The following FAM81B variants were observed in gnomAD, a reference collection of about 807,000 sequenced individuals.
FAM81B encodes family with sequence similarity 81 member B, also known as protein FAM81B.
Under a neutral mutation model 58.7 loss-of-function variants are expected in FAM81B, and 60 were observed. The observed-to-expected ratio is 1.02, with a 90% CI of 0.83 to 1.27. FAM81B has a LOEUF of 1.27. FAM81B is among the 50% of genes most tolerant of loss of function. The pLI, the probability that FAM81B is intolerant of heterozygous loss-of-function variation, is 0.00. For synonymous variants in FAM81B, 189 were observed against 179.6 expected, an observed-to-expected ratio of 1.05 and a Z score of -0.42; for missense variants, 491 against 522.0, an observed-to-expected ratio of 0.94 and a Z score of 0.58.
Position 95,450,238 on chromosome 5 carries a change from C to G in FAM81B, c.1315C>G (p.Leu439Val). 1 of 1,613,052 alleles carries G rather than the reference C, an allele frequency of 6.2e-7. No homozygotes were observed. Among genetic ancestry groups the G allele is most frequent in the East Asian group, 2.2e-5 (1 of 44,726 alleles). The change falls in exon 10 of 10, where the codon CTA becomes GTA. Residue 439 changes from leucine to valine, a missense_variant. Physicochemically the swap from Leu to Val is conservative, Grantham distance 32. Coordinates refer to ENST00000283357, the MANE Select transcript of FAM81B (RefSeq NM_152548.3). Reference sequence around the variant, plus strand: ...AGAGAAATATAAAGTACAGAAAGACCTAAAGAAATTACAGCGCAAGATAGT... The same window carrying G: ...AGAGAAATATAAAGTACAGAAAGACGTAAAGAAATTACAGCGCAAGATAGT... The part of the protein sequence containing the change: ...DLEKYKVQKD[L>V]KKLQRKIVEL...
chr5:95,439,413 C>G (rs1745239875), intron 7 of FAM81B, among the ~76,000 whole-genome samples: 1 of 151,648 alleles, frequency 6.6e-6, no homozygotes, highest in Non-Finnish European at 1.5e-5. Flanking sequence ...AAAAAAGCAT[C>G]TGTTTTAATT....
At chr5:95,414,295 C>A in intron 4 of FAM81B, 105 bp downstream of exon 4, 1 of 1,223,264 alleles carries the variant, frequency 8.2e-7, no homozygotes, top group Non-Finnish European at 1.1e-6. Context: ...AGAAATATAT[C>A]ACTATTGCTT....
intron 3 of FAM81B, among the ~76,000 whole-genome samples, chr5:95,408,819 T>C (rs910418955): frequency 2.0e-5 from 3 of 152,188 alleles, no homozygotes; most frequent in Non-Finnish European, 4.4e-5. Flanking sequence ...CTATAACTAT[T>C]TATAAAGTGC....
chr5:95,396,236 C>G, intron 3 of FAM81B, 61 bp downstream of exon 3: 1 of 1,334,188 alleles, frequency 7.5e-7, no homozygotes, highest in Non-Finnish European at 1.0e-6. Context: ...ACAAATCTCA[C>G]ACGCAAAAAA....
chr5:95,431,316 G>A (rs1435749702), intron 6 of FAM81B, among the ~76,000 whole-genome samples: 13 of 151,790 alleles, frequency 8.6e-5, no homozygotes, highest in Admixed American at 1.3e-4. Flanking sequence ...TAAATCCTTC[G>A]TCCATTTGTA....
At chr5:95,411,211 G>A (rs559002237) in intron 3 of FAM81B, among the ~76,000 whole-genome samples, 1 of 152,034 alleles carries the variant, frequency 6.6e-6, no homozygotes, top group Non-Finnish European at 1.5e-5. Context: ...GGATGACCTA[G>A]GACCAGTTAA....
At chr5:95,406,125 C>A (rs1762239114) in intron 3 of FAM81B, 1 of 154,392 alleles carries the variant, frequency 6.5e-6, no homozygotes, top group Non-Finnish European at 1.5e-5. Flanking sequence ...CCACAGCCCT[C>A]CCAAGCTATC....
intron 7 of FAM81B, among the ~76,000 whole-genome samples, chr5:95,441,040 G>A (rs1321176797): frequency 1.3e-5 from 2 of 152,074 alleles, no homozygotes; most frequent in Non-Finnish European, 2.9e-5. Context: ...AAAACGCCAA[G>A]GTAATTCCGT....
chr5:95,415,596 T>C (rs1762519647), intron 4 of FAM81B, among the ~76,000 whole-genome samples: 1 of 152,186 alleles, frequency 6.6e-6, no homozygotes, highest in African/African-American at 2.4e-5. Flanking sequence ...TGAAGTATCA[T>C]GAAAGTGACA....
intron 7 of FAM81B, among the ~76,000 whole-genome samples, chr5:95,439,154 A>G (rs981078479): frequency 6.7e-6 from 1 of 148,724 alleles, no homozygotes; most frequent in African/African-American, 2.5e-5. Flanking sequence ...ACAAGAAACA[A>G]AAAAAGTATT....
intron 7 of FAM81B, among the ~76,000 whole-genome samples, chr5:95,441,176 A>T (rs1213889556): frequency 6.6e-6 from 1 of 152,196 alleles, no homozygotes; most frequent in East Asian, 1.9e-4. Flanking sequence ...GCTAAAACAT[A>T]CAAAGAGCCT....
At chr5:95,408,405 C>A (rs1042024268) in intron 3 of FAM81B, among the ~76,000 whole-genome samples, 12 of 152,152 alleles carry the variant, frequency 7.9e-5, no homozygotes, top group Non-Finnish European at 1.5e-4. Flanking sequence ...TCTGTGATTT[C>A]TTTCATCTGT....
Position 95,446,638 on chromosome 5 carries a change from T to A in FAM81B, c.970T>A (p.Tyr324Asn). Residue 324 changes from tyrosine (Y) to asparagine (N), a missense_variant, in exon 8 of 10, where the codon TAT (tyrosine) becomes AAT (asparagine). Tyr to Asn is a moderately radical substitution (Grantham distance 143). Transcript: ENST00000283357. ...ATGGACAGAAAACCAATTTCTCAAA[T>A]ATAGAAAAGACCACCTGGGCCATAT... is the stretch of plus-strand genomic sequence containing the variant. Reference protein sequence around the residue: ...KKWTENQFLKYRKDHLGHINE... With the variant: ...KKWTENQFLKNRKDHLGHINE... The A allele has an allele frequency of 6.2e-7, 1 of 1,613,330 alleles. No individual in the cohort carries two copies. Among genetic ancestry groups the A allele is most frequent in the Non-Finnish European group, 8.5e-7 (1 of 1,179,780 alleles).
At chr5:95,420,038 C>T in intron 4 of FAM81B, among the ~76,000 whole-genome samples, 1 of 152,146 alleles carries the variant, frequency 6.6e-6, no homozygotes, top group East Asian at 1.9e-4. Flanking sequence ...ATCTGGATTT[C>T]TAGCTTCCTT....
intron 7 of FAM81B, chr5:95,440,362 C>G (rs1425029147): frequency 2.6e-6 from 2 of 773,478 alleles, no homozygotes; most frequent in East Asian, 6.4e-5. Context: ...GATGTTAAGG[C>G]TGGTGTGAAG....
chr5:95,417,031 C>T (rs1762555292), intron 4 of FAM81B, among the ~76,000 whole-genome samples: 1 of 152,012 alleles, frequency 6.6e-6, no homozygotes, highest in Non-Finnish European at 1.5e-5. Flanking sequence ...GCGACGGAGA[C>T]CCTGTCTCAA....
At chr5:95,408,072 AAATG>A (rs1762307896) in intron 3 of FAM81B, among the ~76,000 whole-genome samples, 1 of 81,888 alleles carries the variant, frequency 1.2e-5, no homozygotes, top group South Asian at 5.0e-4. Flanking sequence ...GCTTCCCCCA[AAATG>A]AGAGAGAGAG....
chr5:95,400,749 G>A (rs1309802552), intron 3 of FAM81B, among the ~76,000 whole-genome samples: 1 of 151,936 alleles, frequency 6.6e-6, no homozygotes, highest in Non-Finnish European at 1.5e-5. Context: ...ACTTGATCTC[G>A]TCAGCCAGGT....
At chr5:95,438,740 T>C (rs770619102) in intron 7 of FAM81B, among the ~76,000 whole-genome samples, 1 of 151,392 alleles carries the variant, frequency 6.6e-6, no homozygotes, top group African/African-American at 2.4e-5. Flanking sequence ...GACTTTTATA[T>C]TTAAATTTTC....
Sources: gnomAD v4.1 joint callset for allele counts (sites outside exome capture counted in the v4.1 genomes callset) on GRCh38, gnomAD v4.1.1 for gene constraint, MANE v1.5 for transcripts, NCBI Gene and HGNC (gene_info 2026-07-23, HGNC 2026-07-21) for gene names.